Variants in KCNK10 observed in about 807,000 individuals in gnomAD.
The protein encoded by KCNK10 is potassium channel subfamily K member 10.
A neutral mutation model predicts 47.7 loss-of-function variants in KCNK10; 25 were observed. The ratio of observed to expected loss-of-function variants is 0.52; its 90% CI spans 0.38 to 0.73. KCNK10 has a LOEUF of 0.73. Ranked by LOEUF, KCNK10 falls within the 30% of genes least tolerant of loss-of-function variation. The probability of loss-of-function intolerance (pLI) is 0.00; values close to 1 mark genes in which losing one functional copy is unlikely to be tolerated. For synonymous variants in KCNK10, 303 were observed against 285.6 expected (o/e 1.06, Z -0.61); for missense variants, 563 against 714.5 (o/e 0.79, Z 2.42).
intron 1 of KCNK10, among the ~76,000 whole-genome samples, chr14:88,282,619 A>T (rs1887674719): frequency 6.6e-6 from 1 of 152,160 alleles, no homozygotes; most frequent in Non-Finnish European, 1.5e-5. Context: ...GCATGAAGGG[A>T]ACTACATCTA....
chr14:88,185,758 A>G lies in KCNK10; in HGVS notation c.1409T>C (p.Leu470Ser), dbSNP rs1341447749. ...GTAGATTTTCTGAACGTCCTCGGGC[A>G]AGGTCTTTTTGAGGTCCTTGTTTTT... ...KRKNKDLKKTLPEDVQKIYKT... is the reference protein window; with the variant it reads ...KRKNKDLKKTSPEDVQKIYKT... The change falls in exon 7 of 7, where the codon TTG (leucine) becomes TCG (serine). Residue 470 changes from leucine (L) to serine (S), a missense_variant. Leu to Ser is a moderately radical substitution (Grantham distance 145). Transcript: ENST00000319231. This position sits in a 1 kb window ranked among gnomAD's most constrained non-coding sequence, Gnocchi z 4.3. 1 of 1,614,092 alleles carries G rather than the reference A, an allele frequency of 6.2e-7. No homozygotes were observed. Among genetic ancestry groups the G allele is most frequent in the Admixed American group, 1.7e-5 (1 of 60,006 alleles).
intron 4 of KCNK10, among the ~76,000 whole-genome samples, chr14:88,226,092 C>G (rs776151462): frequency 1.3e-5 from 2 of 152,228 alleles, no homozygotes; most frequent in Non-Finnish European, 2.9e-5. Context: ...GCCCTGGGCT[C>G]TATATGTCTG....
At chr14:88,203,767 ATTGTCATGAACG>A (rs1206621447) in intron 4 of KCNK10, among the ~76,000 whole-genome samples, 1 of 152,116 alleles carries the variant, frequency 6.6e-6, no homozygotes, top group Admixed American at 6.5e-5. Flanking sequence ...GGGTAGCAAA[ATTGTCATGAACG>A]ATCAGTGGTT....
chr14:88,192,162 C>T (rs1490217450), intron 5 of KCNK10, 62 bp downstream of exon 5: 1 of 1,475,458 alleles, frequency 6.8e-7, no homozygotes, highest in African/African-American at 1.4e-5. Flanking sequence ...TTGCGAAAAG[C>T]ACAGCCAACA....
At chr14:88,286,145 G>A (rs1318893048) in intron 1 of KCNK10, among the ~76,000 whole-genome samples, 1 of 152,084 alleles carries the variant, frequency 6.6e-6, no homozygotes, top group Non-Finnish European at 1.5e-5. Flanking sequence ...CCAGTCACAT[G>A]AGCCAAGATA....
intron 1 of KCNK10, among the ~76,000 whole-genome samples, chr14:88,294,116 G>C (rs1431739733): frequency 1.3e-5 from 2 of 152,032 alleles, no homozygotes; most frequent in African/African-American, 4.8e-5. Context: ...GGCTTCACTG[G>C]GCTTCTCTCT....
chr14:88,210,303 G>T (rs1219467876), intron 4 of KCNK10, among the ~76,000 whole-genome samples: 1 of 152,200 alleles, frequency 6.6e-6, no homozygotes, highest in South Asian at 2.1e-4. Flanking sequence ...ATGGACACTG[G>T]TCTTGATGCA....
At chr14:88,274,703 C>T (rs952241879) in intron 1 of KCNK10, among the ~76,000 whole-genome samples, 2 of 151,944 alleles carry the variant, frequency 1.3e-5, no homozygotes, top group South Asian at 4.2e-4. Flanking sequence ...TTTATCAGAC[C>T]ATAAAATACA....
intron 1 of KCNK10, among the ~76,000 whole-genome samples, chr14:88,277,391 A>G (rs1887547899): frequency 6.6e-6 from 1 of 152,224 alleles, no homozygotes; most frequent in African/African-American, 2.4e-5. Context: ...AATGCATATC[A>G]GTGCTGCTGA....
At chr14:88,315,177 A>G (rs1888405541) in intron 1 of KCNK10, among the ~76,000 whole-genome samples, 1 of 152,196 alleles carries the variant, frequency 6.6e-6, no homozygotes, top group Non-Finnish European at 1.5e-5. Flanking sequence ...AAGAATGTAG[A>G]GGCCGAAACA....
intron 1 of KCNK10, among the ~76,000 whole-genome samples, chr14:88,316,454 G>C (rs1274509284): frequency 1.3e-5 from 2 of 152,204 alleles, no homozygotes; most frequent in African/African-American, 2.4e-5. Flanking sequence ...TCTCCGCTGA[G>C]AGTACCCCTA....
intron 6 of KCNK10, 127 bp downstream of exon 6, chr14:88,187,840 A>G: frequency 1.3e-6 from 1 of 779,354 alleles, no homozygotes; most frequent in Non-Finnish European, 2.1e-6. Flanking sequence ...GAAGCCTATG[A>G]CCCGCCCCCC....
chr14:88,319,419 C>G (rs1365514591), intron 1 of KCNK10, among the ~76,000 whole-genome samples: 1 of 152,194 alleles, frequency 6.6e-6, no homozygotes, highest in East Asian at 1.9e-4. Flanking sequence ...TGTCTCTCCA[C>G]TTTCCCCTAA....
intron 2 of KCNK10, among the ~76,000 whole-genome samples, chr14:88,246,673 G>A (rs1421456842): frequency 6.6e-6 from 1 of 152,204 alleles, no homozygotes; most frequent in Non-Finnish European, 1.5e-5. Context: ...GGCTGATTCA[G>A]AGATGTCTTG....
intron 4 of KCNK10, among the ~76,000 whole-genome samples, chr14:88,212,424 G>T (rs1327289351): frequency 6.6e-6 from 1 of 151,002 alleles, no homozygotes; most frequent in African/African-American, 2.4e-5. Flanking sequence ...TGGGCAACAA[G>T]AGCAAAACTC....
chr14:88,194,415 T>A (rs534547174), intron 4 of KCNK10, among the ~76,000 whole-genome samples: 1 of 152,348 alleles, frequency 6.6e-6, no homozygotes, highest in South Asian at 2.1e-4. Flanking sequence ...ATTAAGTCAA[T>A]CTAATTGCTG....
At chr14:88,243,469 T>C (rs1010051874) in intron 2 of KCNK10, among the ~76,000 whole-genome samples, 1 of 152,180 alleles carries the variant, frequency 6.6e-6, no homozygotes, top group African/African-American at 2.4e-5. Flanking sequence ...CTAGAATGCA[T>C]GTTGCCTCCC....
intron 4 of KCNK10, among the ~76,000 whole-genome samples, chr14:88,199,503 C>T (rs116956028): frequency 0.039 from 6,001 of 152,176 alleles, 143 homozygotes; most frequent in Non-Finnish European, 0.061. Context: ...AGGACAAGAA[C>T]CTGGAAAAGC....
intron 2 of KCNK10, 84 bp downstream of exon 2, chr14:88,263,118 G>A (rs1238480955): frequency 5.3e-6 from 6 of 1,122,848 alleles, no homozygotes; most frequent in Non-Finnish European, 7.5e-6. Flanking sequence ...TCAACTGAAG[G>A]CAAGACTAGA....
Sources: gnomAD v4.1 joint callset for allele counts (sites outside exome capture counted in the v4.1 genomes callset) on GRCh38, gnomAD v4.1.1 for gene constraint, Gnocchi (gnomAD v3.1) non-coding constraint, MANE v1.5 for transcripts, NCBI Gene and HGNC (gene_info 2026-07-23, HGNC 2026-07-21) for gene names.